Variants in CSMD1 observed in about 807,000 individuals in gnomAD.
CSMD1 encodes the protein CUB and Sushi multiple domains 1.
In CSMD1, 213 loss-of-function variants were observed where a neutral mutation model predicts 417.5. That is an observed-to-expected ratio of 0.51 (90% CI 0.46 to 0.57). The LOEUF (loss-of-function observed/expected upper bound fraction) is 0.57, where lower values mean the gene tolerates loss of function less well. CSMD1 is among the 20% of genes least tolerant of loss of function. The pLI is 0.00. For missense variants in CSMD1, 6,923 were observed against 4,529.7 expected (o/e 1.53, Z -15.17); for synonymous variants, 2,862 against 1,736.8 (o/e 1.65, Z -16.11).
chr8:4,033,087 G>C (rs973003314), intron 3 of CSMD1, among the ~76,000 whole-genome samples: 1 of 125,484 alleles, frequency 8.0e-6, no homozygotes, highest in Non-Finnish European at 1.6e-5. Flanking sequence ...TTGATTCCAT[G>C]TCTTTAGACA....
intron 3 of CSMD1, among the ~76,000 whole-genome samples, chr8:4,409,540 T>C (rs745856698): frequency 6.6e-6 from 1 of 152,160 alleles, no homozygotes; most frequent in Non-Finnish European, 1.5e-5. Context: ...AGGCAGCTCA[T>C]TGTTAATTCA....
chr8:4,664,058 G>A (rs999909402), intron 1 of CSMD1, among the ~76,000 whole-genome samples: 1 of 152,134 alleles, frequency 6.6e-6, no homozygotes, highest in African/African-American at 2.4e-5. Flanking sequence ...TCGCCTCTGT[G>A]AACTGTGTGG....
At chr8:3,413,874 C>G (rs1812965398) in intron 12 of CSMD1, among the ~76,000 whole-genome samples, 1 of 152,040 alleles carries the variant, frequency 6.6e-6, no homozygotes, top group Non-Finnish European at 1.5e-5. Flanking sequence ...TGCGGTAGCT[C>G]ACGCCTGTAA....
At chr8:3,603,165 G>C (rs891373803) in intron 8 of CSMD1, among the ~76,000 whole-genome samples, 32 of 152,166 alleles carry the variant, frequency 2.1e-4, no homozygotes, top group African/African-American at 7.2e-4. Context: ...TATTTCTTAA[G>C]TAGTTCTTAA....
intron 10 of CSMD1, among the ~76,000 whole-genome samples, chr8:3,565,102 C>T (rs12334815): frequency 2.5e-5 from 2 of 78,638 alleles, no homozygotes; most frequent in African/African-American, 1.1e-4. Context: ...AAAAAAAATA[C>T]TCTTACTTAA....
At chr8:4,214,685 G>T (rs1044785569) in intron 3 of CSMD1, among the ~76,000 whole-genome samples, 1 of 152,136 alleles carries the variant, frequency 6.6e-6, no homozygotes, top group Admixed American at 6.5e-5. Flanking sequence ...TGTGTTTGGT[G>T]TGTGTGTAGC....
Position 4,140,984 on chromosome 8 carries a change from A to G in CSMD1, c.416-108885T>C, listed in dbSNP as rs1803755831. ...CTCAATAAATGGGAAGAAAACATAA[A>G]AGATTTAGGCAGACAGAAAGACAGG... is the stretch of plus-strand genomic sequence containing the variant. On this transcript the variant is annotated intron_variant, in intron 3 of 69. Coordinates refer to ENST00000635120, the MANE Select transcript of CSMD1 (RefSeq NM_033225.6). 1.3e-5 allele frequency among the ~76,000 whole-genome samples: 2 copies of G among 151,250 alleles called. 1 individual carries two copies. The highest frequency in any genetic ancestry group is 4.9e-5 in the African/African-American group (2 of 40,544).
At chr8:3,994,804 C>T (rs774596664) in intron 5 of CSMD1, among the ~76,000 whole-genome samples, 1 of 152,188 alleles carries the variant, frequency 6.6e-6, no homozygotes, top group African/African-American at 2.4e-5. Context: ...AATTTCACTC[C>T]AAATTAAATG....
In CSMD1 at chr8:3,142,467, T is replaced by C; in HGVS notation, c.6239A>G (p.Gln2080Arg). Residue 2080 changes from glutamine to arginine, a missense_variant and splice_region_variant, in exon 41 of 70, where the codon CAA becomes CGA. Physicochemically the swap from Gln to Arg is conservative, Grantham distance 43 (BLOSUM62 1). Transcript: ENST00000635120. ...CGGTTCTCGTTGTTGTTCCATACCT[T>C]GGTAAGCAAGTTTAAATCCTTGCCG... ...QNRQGFKLAY[Q>R]AYELQNCPDP... is the part of the protein sequence containing the mutation. 4.3e-6 allele frequency: 7 copies of C among 1,612,688 alleles called. No individual in the cohort carries two copies. Among genetic ancestry groups the C allele is most frequent in the Non-Finnish European group, 5.9e-6 (7 of 1,179,116 alleles).
intron 65 of CSMD1, among the ~76,000 whole-genome samples, chr8:2,952,082 G>C (rs770659948): frequency 2.6e-5 from 4 of 152,142 alleles, no homozygotes; most frequent in Non-Finnish European, 4.4e-5. Context: ...GTTTAAAAAT[G>C]TGTATAAAAT....
intron 3 of CSMD1, among the ~76,000 whole-genome samples, chr8:4,098,296 G>C (rs1025963705): frequency 7.9e-5 from 12 of 152,218 alleles, no homozygotes; most frequent in Middle Eastern, 3.4e-3. Context: ...CAAGTAATTT[G>C]GAACAAGAAC....
At chr8:3,355,313 G>C (rs1207874763) in intron 21 of CSMD1, among the ~76,000 whole-genome samples, 1 of 152,008 alleles carries the variant, frequency 6.6e-6, no homozygotes, top group Non-Finnish European at 1.5e-5. Context: ...TGTCATAGAT[G>C]CAATATTAGG....
Position 3,785,315 on chromosome 8 carries a change from C to T in CSMD1, c.819-31273G>A, listed in dbSNP as rs535672631. ...AAATAAATGATGAAACTTCAGGCTG[C>T]GGAAAATAAATGCCCCGGGCAAGGC... On this transcript the variant is annotated intron_variant, in intron 5 of 69. Coordinates refer to ENST00000635120, the MANE Select transcript of CSMD1 (RefSeq NM_033225.6). 8.1e-4 allele frequency among the ~76,000 whole-genome samples: 124 copies of T among 152,280 alleles called. 1 individual carries two copies. The highest frequency in any genetic ancestry group is 2.8e-3 in the African/African-American group (116 of 41,544).
chr8:3,181,505 ATCT>A (rs1408266465), intron 36 of CSMD1, among the ~76,000 whole-genome samples: 1 of 152,124 alleles, frequency 6.6e-6, no homozygotes, highest in African/African-American at 2.4e-5. Flanking sequence ...TATCCATGTA[ATCT>A]TCTGCTTCTT....
intron 3 of CSMD1, among the ~76,000 whole-genome samples, chr8:4,076,211 T>C (rs986918795): frequency 6.6e-6 from 1 of 152,186 alleles, no homozygotes; most frequent in Non-Finnish European, 1.5e-5. Context: ...CTAATGGTTT[T>C]AGAAGGGGCT....
At chr8:4,390,729 G>A (rs1350022677) in intron 3 of CSMD1, among the ~76,000 whole-genome samples, 4 of 151,724 alleles carry the variant, frequency 2.6e-5, no homozygotes, top group Non-Finnish European at 5.9e-5. Flanking sequence ...TAGCCAGGAT[G>A]GTCTCGATCT....
intron 2 of CSMD1, among the ~76,000 whole-genome samples, chr8:4,579,589 C>G (rs1270141399): frequency 2.6e-5 from 4 of 152,038 alleles, no homozygotes; most frequent in African/African-American, 9.7e-5. Context: ...GTCTCGAGAT[C>G]CTCACCTCAT....
intron 5 of CSMD1, among the ~76,000 whole-genome samples, chr8:3,982,743 C>G (rs752017585): frequency 2.0e-5 from 3 of 152,020 alleles, no homozygotes; most frequent in Admixed American, 1.3e-4. Flanking sequence ...GGAGGCTTAA[C>G]GTGGAAGGAG....
chr8:4,619,438 G>T (rs148681994), intron 2 of CSMD1, among the ~76,000 whole-genome samples: 1 of 152,256 alleles, frequency 6.6e-6, no homozygotes, highest in African/African-American at 2.4e-5. Flanking sequence ...AGCGGTCGTC[G>T]TTGTGACAGT....
Sources: gnomAD v4.1 joint callset for allele counts (sites outside exome capture counted in the v4.1 genomes callset) on GRCh38, gnomAD v4.1.1 for gene constraint, MANE v1.5 for transcripts, NCBI Gene and HGNC (gene_info 2026-07-23, HGNC 2026-07-21) for gene names.